Variants in HIVEP2 observed in about 807,000 individuals in gnomAD.
HIVEP2 encodes the protein HIVEP zinc finger 2.
In HIVEP2, 14 loss-of-function variants were observed where a neutral mutation model predicts 180.7. That is an observed-to-expected ratio of 0.08 (90% confidence interval 0.05 to 0.12). The LOEUF is 0.12. HIVEP2 is among the 10% of genes least tolerant of loss of function. The pLI is 1.00. For synonymous variants in HIVEP2, 1,184 were observed against 1,136.4 expected, an observed-to-expected ratio of 1.04 and a Z score of -0.84; for missense variants, 2,579 against 3,008.5, an observed-to-expected ratio of 0.86 and a Z score of 3.34.
At chr6:142,815,971 G>C (rs1776823718) in intron 2 of HIVEP2, among the ~76,000 whole-genome samples, 1 of 152,088 alleles carries the variant, frequency 6.6e-6, no homozygotes, top group Non-Finnish European at 1.5e-5. Flanking sequence ...ACTTTGTATT[G>C]GACAATAGAG....
At chr6:142,834,377 T>C (rs1385424439) in intron 2 of HIVEP2, among the ~76,000 whole-genome samples, 3 of 152,200 alleles carry the variant, frequency 2.0e-5, no homozygotes, top group African/African-American at 7.2e-5. Context: ...ACAGTAATAA[T>C]TGTATAATTA....
chr6:142,820,442 G>A (rs1777001971), intron 2 of HIVEP2, among the ~76,000 whole-genome samples: 1 of 152,110 alleles, frequency 6.6e-6, no homozygotes, highest in Non-Finnish European at 1.5e-5. Flanking sequence ...TATTTTTGAT[G>A]TCTTTCAATG....
chr6:142,841,321 T>C (rs1476822861), intron 1 of HIVEP2, among the ~76,000 whole-genome samples: 1 of 152,172 alleles, frequency 6.6e-6, no homozygotes, highest in East Asian at 1.9e-4. Context: ...TTTGTCTATT[T>C]CTGGGCTCAC....
intron 1 of HIVEP2, among the ~76,000 whole-genome samples, chr6:142,856,503 G>A (rs1775825154): frequency 6.6e-6 from 1 of 152,078 alleles, no homozygotes; most frequent in Admixed American, 6.5e-5. Flanking sequence ...TACCTTTTTT[G>A]GAACTGCCTC....
At chr6:142,941,269 C>T (rs1209674670) in intron 1 of HIVEP2, among the ~76,000 whole-genome samples, 1 of 152,166 alleles carries the variant, frequency 6.6e-6, no homozygotes, top group African/African-American at 2.4e-5. Context: ...TCCTCTTTCC[C>T]ACGACGATTT....
chr6:142,772,146 G>A lies in HIVEP2; in HGVS notation c.2593C>T (p.Pro865Ser). ...DGAESGGKPS[P>S]SQQVQQQSYH... is the part of the protein sequence containing the mutation. ...GACTGCTGCTGCACCTGCTGAGATG[G>A]AGAGGGTTTCCCCCCACTTTCTGCA... The change falls in exon 5 of 10, where the codon CCA becomes TCA. Residue 865 changes from proline (P) to serine (S), a missense_variant. Physicochemically the swap from Pro to Ser is moderately conservative, Grantham distance 74. Transcript: ENST00000367603. The surrounding 1 kb of genome is among the most constrained non-coding windows in gnomAD (Gnocchi z 4.9). The A allele has an allele frequency of 1.9e-6, 3 of 1,614,218 alleles. No homozygotes were observed. The highest frequency in any genetic ancestry group is 2.5e-6 in the Non-Finnish European group (3 of 1,180,042).
At chr6:142,851,617 A>T (rs1481803325) in intron 1 of HIVEP2, among the ~76,000 whole-genome samples, 2 of 152,244 alleles carry the variant, frequency 1.3e-5, no homozygotes, top group African/African-American at 4.8e-5. Flanking sequence ...CCTCACTGTA[A>T]GTGCTGGAGA....
intron 1 of HIVEP2, among the ~76,000 whole-genome samples, chr6:142,901,591 C>T (rs1453739323): frequency 6.6e-6 from 1 of 152,132 alleles, no homozygotes; most frequent in Admixed American, 6.5e-5. Context: ...TTTGTACCTC[C>T]TAAGAAATCA....
intron 1 of HIVEP2, among the ~76,000 whole-genome samples, chr6:142,899,213 C>T (rs62432363): frequency 2.0e-5 from 3 of 152,130 alleles, no homozygotes; most frequent in Non-Finnish European, 4.4e-5. Context: ...ATTTCCAGGT[C>T]TCTGGATCCT....
chr6:142,882,367 C>T (rs1188667755), intron 1 of HIVEP2, among the ~76,000 whole-genome samples: 5 of 152,052 alleles, frequency 3.3e-5, no homozygotes, highest in Admixed American at 2.6e-4. Flanking sequence ...TCCCAGCATG[C>T]TGGGAGGCCA....
At chr6:142,787,242 T>G (rs1467330744) in intron 2 of HIVEP2, among the ~76,000 whole-genome samples, 1 of 125,382 alleles carries the variant, frequency 8.0e-6, no homozygotes, top group Admixed American at 7.9e-5. Context: ...TGAGACCCCG[T>G]CTCAAAAATA....
chr6:142,859,682 A>T (rs907481711), intron 1 of HIVEP2, among the ~76,000 whole-genome samples: 10 of 151,774 alleles, frequency 6.6e-5, no homozygotes, highest in Non-Finnish European at 1.3e-4. Context: ...AAAAGTAAAA[A>T]AATTAGCCGG....
chr6:142,762,426 C>T (rs1041234363), intron 7 of HIVEP2, among the ~76,000 whole-genome samples: 16 of 150,884 alleles, frequency 1.1e-4, no homozygotes, highest in Middle Eastern at 3.4e-3. Flanking sequence ...TTCCAATCCT[C>T]GTTGACCCAG....
chr6:142,905,193 A>G (rs1777233222), intron 1 of HIVEP2, among the ~76,000 whole-genome samples: 1 of 152,242 alleles, frequency 6.6e-6, no homozygotes, highest in South Asian at 2.1e-4. Flanking sequence ...TAAGAAAGAT[A>G]CTGCTCAACC....
In HIVEP2 at chr6:142,835,708, T is replaced by G. The variant is rs946642401; in HGVS notation, c.-528+1227A>C. On this transcript the variant is annotated intron_variant, in intron 2 of 9. Transcript: ENST00000367603. ...CAAATGAAGACTGAACCATGAACCTTACGGGCCAAATGAAAAGGGGTCTCT... is the reference window on the plus strand; with the variant it reads ...CAAATGAAGACTGAACCATGAACCTGACGGGCCAAATGAAAAGGGGTCTCT... Among the ~76,000 whole-genome samples the G allele has an allele frequency of 3.3e-5, 5 of 152,266 alleles. 1 individual carries two copies. In the South Asian group the frequency reaches 1.0e-3, roughly 32 times the overall value.
chr6:142,898,170 A>G (rs1303472745), intron 1 of HIVEP2, among the ~76,000 whole-genome samples: 1 of 152,134 alleles, frequency 6.6e-6, no homozygotes, highest in African/African-American at 2.4e-5. Flanking sequence ...CTGGAGCTTT[A>G]CCTATCACAA....
At chr6:142,878,896 G>A (rs1776512732) in intron 1 of HIVEP2, among the ~76,000 whole-genome samples, 1 of 152,128 alleles carries the variant, frequency 6.6e-6, no homozygotes, top group South Asian at 2.1e-4. Flanking sequence ...TGGGGCAAAG[G>A]ACCTTGGACT....
At chr6:142,824,460 A>G (rs1172781857) in intron 2 of HIVEP2, among the ~76,000 whole-genome samples, 1 of 152,198 alleles carries the variant, frequency 6.6e-6, no homozygotes, top group African/African-American at 2.4e-5. Context: ...TCACTGACCA[A>G]ATGAAGAATC....
intron 1 of HIVEP2, among the ~76,000 whole-genome samples, chr6:142,883,277 G>C (rs1776618998): frequency 6.6e-6 from 1 of 151,948 alleles, no homozygotes; most frequent in African/African-American, 2.4e-5. Context: ...GCTAAGCTCT[G>C]CCAAAAAGAG....
Sources: gnomAD v4.1 joint callset for allele counts (sites outside exome capture counted in the v4.1 genomes callset) on GRCh38, gnomAD v4.1.1 for gene constraint, Gnocchi (gnomAD v3.1) non-coding constraint, MANE v1.5 for transcripts, NCBI Gene and HGNC (gene_info 2026-07-23, HGNC 2026-07-21) for gene names.